The following ZNF469 variants were observed in gnomAD, a reference collection of about 807,000 sequenced individuals.
ZNF469 encodes zinc finger protein 469.
In ZNF469, 1 loss-of-function variant was observed where a neutral mutation model predicts 1.0. The observed-to-expected ratio is 1.00, with a 90% CI of 0.35 to 4.73. The LOEUF is 4.73. Ranked by LOEUF, ZNF469 falls within the 30% of genes most tolerant of loss-of-function variation. The pLI is 0.16. For synonymous variants in ZNF469, 2,703 were observed against 2,363.4 expected (o/e 1.14, Z -4.17); for missense variants, 6,100 against 5,356.3 (o/e 1.14, Z -4.33).
At chr16:88,276,766 CACCCT>C in the ZNF469 span, among the ~76,000 whole-genome samples, 1 of 151,916 alleles carries the variant, frequency 6.6e-6, no homozygotes, top group African/African-American at 2.4e-5. Context: ...TCATTAGTGC[CACCCT>C]ACGCTGACAC....
the ZNF469 span, among the ~76,000 whole-genome samples, chr16:88,376,714 C>T: frequency 1.0e-2 from 1,517 of 152,340 alleles, 19 homozygotes; most frequent in African/African-American, 0.03. Context: ...ACTGGGTTAC[C>T]GCGGCAGATG....
At position 88,432,943 on chromosome 16, in the gene ZNF469, G is replaced by A. The variant is rs971942980; in HGVS notation, c.5473G>A (p.Ala1825Thr). The change falls in exon 3 of 3, where the codon GCC becomes ACC. Residue 1825 changes from alanine (A) to threonine (T), a missense_variant. Ala to Thr is a moderately conservative substitution (Grantham distance 58, BLOSUM62 0). Coordinates refer to ENST00000565624, the MANE Select transcript of ZNF469 (RefSeq NM_001367624.2). ...PPLDATWPFG[A>T]SPSHAAQGHS... ...TCTGGATGCCACCTGGCCTTTTGGT[G>A]CCAGTCCCAGCCATGCTGCCCAGGG... The A allele has an allele frequency of 1.9e-6, 3 of 1,550,290 alleles. No homozygotes were observed. Among genetic ancestry groups the A allele is most frequent in the Admixed American group, 2.0e-5 (1 of 50,992 alleles).
the ZNF469 span, among the ~76,000 whole-genome samples, chr16:88,327,820 G>A: frequency 1.3e-5 from 2 of 152,220 alleles, no homozygotes; most frequent in Admixed American, 1.3e-4. Flanking sequence ...ACTAGGCCCG[G>A]CTGCTTGAGA....
the ZNF469 span, among the ~76,000 whole-genome samples, chr16:88,368,784 C>T: frequency 6.6e-6 from 1 of 152,110 alleles, no homozygotes; most frequent in South Asian, 2.1e-4. Context: ...GCTCACTGAG[C>T]TCCTTGATCT....
At chr16:88,328,724 A>C in the ZNF469 span, among the ~76,000 whole-genome samples, 875 of 152,308 alleles carry the variant, frequency 5.7e-3, 43 homozygotes, top group East Asian at 0.097. Context: ...CACACAGCTG[A>C]GTGCAATGGG....
At position 88,427,881 on chromosome 16, in the gene ZNF469, A is replaced by G; in HGVS notation, c.411A>G (p.Pro137=). The change falls in exon 3 of 3, where the codon CCA becomes CCG. Residue 137 remains proline, a synonymous_variant. Coordinates refer to ENST00000565624, the MANE Select transcript of ZNF469 (RefSeq NM_001367624.2). The part of the protein sequence containing the change: ...SRTKPTLDET[P]ENPQLEAAQL... Reference sequence around the variant, plus strand: ...CCAAGCCCACCCTGGACGAGACACCAGAGAACCCACAGCTGGAGGCTGCCC... The same window carrying G: ...CCAAGCCCACCCTGGACGAGACACCGGAGAACCCACAGCTGGAGGCTGCCC... The G allele has an allele frequency of 6.5e-7, 1 of 1,549,738 alleles. No individual in the cohort carries two copies. Among genetic ancestry groups the G allele is most frequent in the Non-Finnish European group, 8.7e-7 (1 of 1,146,806 alleles).
the ZNF469 span, among the ~76,000 whole-genome samples, chr16:88,160,862 G>A: frequency 6.6e-6 from 1 of 152,326 alleles, no homozygotes; most frequent in African/African-American, 2.4e-5. Context: ...GGTTTTAAAG[G>A]CCAGGTGCGA....
At chr16:88,380,348 C>CGCACTCACACAG (rs1567495280), upstream of ZNF469, among the ~76,000 whole-genome samples, 452 of 114,996 alleles carry the variant, frequency 3.9e-3, 14 homozygotes, top group Non-Finnish European at 6.2e-3. Context: ...TGCGCTCACA[C>CGCACTCACACAG]ACATGCGCTC....
chr16:88,221,522 C>T, the ZNF469 span, among the ~76,000 whole-genome samples: 68 of 152,304 alleles, frequency 4.5e-4, no homozygotes, highest in Middle Eastern at 3.4e-3. Context: ...GCCTTCTGAG[C>T]GCTTCCTCCA....
chr16:88,121,648 C>T, the ZNF469 span, among the ~76,000 whole-genome samples: 1 of 152,166 alleles, frequency 6.6e-6, no homozygotes, highest in East Asian at 1.9e-4. Context: ...ATAATTTATT[C>T]CAATGACCTA....
chr16:88,437,325 C>A lies in ZNF469; in HGVS notation c.9855C>A (p.Ala3285=). 1 of 1,547,010 alleles carries A rather than the reference C, an allele frequency of 6.5e-7. No individual in the cohort carries two copies. Among genetic ancestry groups the A allele is most frequent in the Non-Finnish European group, 8.7e-7 (1 of 1,145,336 alleles). ...ARSTPSNPDG[A]ATPDSASATA... is the part of the protein sequence containing the mutation. Reference sequence around the variant, plus strand: ...GCACCCCCAGCAACCCAGACGGGGCCGCGACCCCAGACAGCGCCTCTGCCA... The same window carrying A: ...GCACCCCCAGCAACCCAGACGGGGCAGCGACCCCAGACAGCGCCTCTGCCA... The change falls in exon 3 of 3, where the codon GCC becomes GCA. Residue 3285 remains alanine (A), a synonymous_variant. Coordinates refer to ENST00000565624, the MANE Select transcript of ZNF469 (RefSeq NM_001367624.2).
At chr16:88,362,086 G>A in the ZNF469 span, among the ~76,000 whole-genome samples, 5 of 152,144 alleles carry the variant, frequency 3.3e-5, no homozygotes, top group African/African-American at 1.2e-4. Flanking sequence ...AGCTACTATC[G>A]ATTCTTCAAC....
At chr16:88,159,835 C>G in the ZNF469 span, among the ~76,000 whole-genome samples, 3 of 152,278 alleles carry the variant, frequency 2.0e-5, no homozygotes, top group South Asian at 6.2e-4. Flanking sequence ...TGTCATCCCA[C>G]AAAGCAAGGA....
rs916013953 is a variant in ZNF469 at position 88,439,236 on chromosome 16, C to A, written c.11766C>A (p.His3922Gln). Residue 3922 changes from histidine to glutamine, a missense_variant, in exon 3 of 3, where the codon CAC becomes CAA. Physicochemically the swap from His to Gln is conservative, Grantham distance 24. Transcript: ENST00000565624. Reference sequence around the variant, plus strand: ...CTGAACCTGCCGAGCCACACACCCACCGGACGGCCGAGGCCCAGAGTGACC... The same window carrying A: ...CTGAACCTGCCGAGCCACACACCCAACGGACGGCCGAGGCCCAGAGTGACC... ...HGAEPAEPHTHRTAEAQSDLL... is the reference protein window; with the variant it reads ...HGAEPAEPHTQRTAEAQSDLL... 5.8e-6 allele frequency: 9 copies of A among 1,550,390 alleles called. No individual in the cohort carries two copies. In the Admixed American group the frequency reaches 1.4e-4, roughly 24 times the overall value.
the ZNF469 span, among the ~76,000 whole-genome samples, chr16:88,288,728 GCAGCC>G: frequency 6.6e-6 from 1 of 152,310 alleles, no homozygotes; most frequent in Admixed American, 6.5e-5. Flanking sequence ...CAAAAAGTAT[GCAGCC>G]CAAATCTCCT....
chr16:88,107,743 G>A, the ZNF469 span, among the ~76,000 whole-genome samples: 12 of 152,242 alleles, frequency 7.9e-5, no homozygotes, highest in African/African-American at 2.7e-4. Flanking sequence ...AGAGATTACA[G>A]GGAAGCAGCC....
chr16:88,397,815 CCTCTGA>C (rs1477534991), intron 1 of ZNF469, among the ~76,000 whole-genome samples: 1 of 152,162 alleles, frequency 6.6e-6, no homozygotes. Context: ...CCCTGGATGG[CCTCTGA>C]CTCCCTGCAT....
chr16:88,436,339 G>C lies in ZNF469; in HGVS notation c.8869G>C (p.Gly2957Arg). 4 of 1,549,546 alleles carry C rather than the reference G, an allele frequency of 2.6e-6. No homozygotes were observed. Among genetic ancestry groups the C allele is most frequent in the Non-Finnish European group, 1.7e-6 (2 of 1,146,396 alleles). Residue 2957 changes from glycine to arginine, a missense_variant, in exon 3 of 3, where the codon GGC becomes CGC. By Grantham distance (125) the Gly-to-Arg change is moderately radical (BLOSUM62 -2). Transcript: ENST00000565624. ...RVPGIDPWAPGLSLWALEPSR... is the reference protein window; with the variant it reads ...RVPGIDPWAPRLSLWALEPSR... ...GCCTGGCATTGACCCCTGGGCCCCC[G>C]GCCTCAGCCTGTGGGCCCTGGAGCC...
the ZNF469 span, among the ~76,000 whole-genome samples, chr16:88,338,489 C>T: frequency 1.3e-5 from 2 of 152,172 alleles, no homozygotes; most frequent in African/African-American, 4.8e-5. Flanking sequence ...TGTGTTTGCC[C>T]CGCACAAGTA....
Sources: allele counts gnomAD v4.1 joint callset (sites outside exome capture counted in the v4.1 genomes callset), GRCh38; gene constraint gnomAD v4.1.1; transcripts MANE v1.5; gene names NCBI Gene and HGNC (gene_info 2026-07-23, HGNC 2026-07-21).